The following NCOA6 variants were observed in gnomAD, a reference collection of about 807,000 sequenced individuals.
NCOA6 encodes the protein nuclear receptor coactivator 6.
In NCOA6, 49 loss-of-function variants were observed where a neutral mutation model predicts 171.4. That is an observed-to-expected ratio of 0.29 (90% confidence interval 0.23 to 0.36). The LOEUF is 0.36. Among genes scored for constraint, NCOA6 ranks in the 10% least tolerant of loss-of-function variants. The pLI, the probability that NCOA6 is intolerant of heterozygous loss-of-function variation, is 1.00. For missense variants in NCOA6, 2,248 were observed against 2,554.5 expected, an observed-to-expected ratio of 0.88 and a Z score of 2.59; for synonymous variants, 910 against 927.5, an observed-to-expected ratio of 0.98 and a Z score of 0.34.
At chr20:34,732,681 AT>A in intron 12 of NCOA6, 86 bp from the exon 13 acceptor site, 1 of 1,175,162 alleles carries the variant, frequency 8.5e-7, no homozygotes, top group Non-Finnish European at 1.2e-6. Flanking sequence ...TCTATGCCCT[AT>A]TTAGGCTAAA....
At chr20:34,819,148 C>G (rs1359097807) in intron 1 of NCOA6, among the ~76,000 whole-genome samples, 1 of 152,142 alleles carries the variant, frequency 6.6e-6, no homozygotes, top group Non-Finnish European at 1.5e-5. Flanking sequence ...ATCCCCCCCA[C>G]CATCCCAATA....
At chr20:34,789,299 TAATTTACCTTTAG>T (rs2077788834) in intron 2 of NCOA6, among the ~76,000 whole-genome samples, 1 of 152,234 alleles carries the variant, frequency 6.6e-6, no homozygotes, top group South Asian at 2.1e-4. Flanking sequence ...ATCTAACAAA[TAATTTACCTTTAG>T]AAAAATATAA....
At chr20:34,762,449 T>C (rs549252378) in intron 5 of NCOA6, among the ~76,000 whole-genome samples, 9 of 152,310 alleles carry the variant, frequency 5.9e-5, no homozygotes, top group African/African-American at 2.2e-4. Flanking sequence ...TTTGATTTTT[T>C]TGTCATTTTA....
At chr20:34,763,331 T>C (rs567541514) in intron 5 of NCOA6, among the ~76,000 whole-genome samples, 3 of 152,340 alleles carry the variant, frequency 2.0e-5, no homozygotes, top group South Asian at 2.1e-4. Flanking sequence ...GAGTGATTTA[T>C]TCAAATTCAC....
chr20:34,750,919 C>T (rs1202526722), intron 8 of NCOA6, among the ~76,000 whole-genome samples: 3 of 152,126 alleles, frequency 2.0e-5, no homozygotes, highest in African/African-American at 7.2e-5. Context: ...GAGGCTGAGG[C>T]AGGCGGATTG....
At chr20:34,769,949 T>A (rs1811782475) in intron 4 of NCOA6, among the ~76,000 whole-genome samples, 1 of 152,266 alleles carries the variant, frequency 6.6e-6, no homozygotes, top group East Asian at 1.9e-4. Flanking sequence ...CCTTCTAAAC[T>A]GTAGGGTTCT....
At chr20:34,750,628 C>A in intron 8 of NCOA6, 109 bp from the exon 9 acceptor site, 1 of 1,182,780 alleles carries the variant, frequency 8.5e-7, no homozygotes, top group Non-Finnish European at 1.1e-6. Flanking sequence ...CTTATATCCA[C>A]TGACCAACAT....
chr20:34,745,404 C>A (rs910871), intron 10 of NCOA6, among the ~76,000 whole-genome samples: 128,272 of 152,164 alleles, frequency 0.84, 54,260 homozygotes, highest in Admixed American at 0.91. Flanking sequence ...CTGAGGCAAG[C>A]AGGCATGTTC....
At chr20:34,787,940 C>CATG (rs1334747253) in intron 2 of NCOA6, among the ~76,000 whole-genome samples, 1 of 150,078 alleles carries the variant, frequency 6.7e-6, no homozygotes, top group Non-Finnish European at 1.5e-5. Flanking sequence ...GATCTCAGCT[C>CATG]ACAGCAACCG....
At chr20:34,795,071 T>A (rs1005289406) in intron 1 of NCOA6, among the ~76,000 whole-genome samples, 1 of 152,210 alleles carries the variant, frequency 6.6e-6, no homozygotes, top group African/African-American at 2.4e-5. Flanking sequence ...CAAAGCTCTC[T>A]TACAGAAGAC....
rs781369115 is a variant in NCOA6 at position 34,782,238 on chromosome 20, C to T, written c.118G>A (p.Asp40Asn). The part of the protein sequence containing the change: ...SGLEDDDTKS[D>N]SILEDSTIFV... ...ATTGTGGAATCCTCCAAAATACTATCACTTTTTGTGTCATCATCTTCTAGT... is the reference window on the plus strand; with the variant it reads ...ATTGTGGAATCCTCCAAAATACTATTACTTTTTGTGTCATCATCTTCTAGT... The change falls in exon 3 of 15, where the codon GAT (aspartate) becomes AAT (asparagine). Residue 40 changes from aspartate to asparagine, a missense_variant. By Grantham distance (23) the Asp-to-Asn change is conservative. Transcript: ENST00000359003. 1 of 1,612,594 alleles carries T rather than the reference C, an allele frequency of 6.2e-7. No homozygotes were observed.
chr20:34,769,306 C>T (rs114614560), intron 4 of NCOA6, among the ~76,000 whole-genome samples: 4,378 of 152,146 alleles, frequency 0.029, 225 homozygotes, highest in African/African-American at 0.1. Flanking sequence ...GGTCCTGCTG[C>T]CTCAGCCTCC....
chr20:34,723,674 G>A (rs368159399), intron 14 of NCOA6, among the ~76,000 whole-genome samples: 1 of 152,312 alleles, frequency 6.6e-6, no homozygotes, highest in East Asian at 1.9e-4. Context: ...ACAATGTTCA[G>A]TTTAAGTGTA....
chr20:34,796,208 C>T (rs2078066959), intron 1 of NCOA6, among the ~76,000 whole-genome samples: 1 of 151,630 alleles, frequency 6.6e-6, no homozygotes, highest in African/African-American at 2.4e-5. Context: ...TAGGGTCTCC[C>T]TATGTTGCCC....
At chr20:34,737,116 A>G (rs549516447) in intron 11 of NCOA6, among the ~76,000 whole-genome samples, 1 of 152,280 alleles carries the variant, frequency 6.6e-6, no homozygotes, top group African/African-American at 2.4e-5. Context: ...AACCCAAACC[A>G]TAGAGGTACA....
At position 34,734,939 on chromosome 20, in the gene NCOA6, C is replaced by T. The variant is rs540135489; in HGVS notation, c.5962+1751G>A. On this transcript the variant is annotated intron_variant, in intron 12 of 14. Transcript: ENST00000359003. Reference sequence around the variant, plus strand: ...CTGGGATTACAGGTGTGAGCCACCGCGCCTGGCCTAGTTTGCTCTTTTAAA... The same window carrying T: ...CTGGGATTACAGGTGTGAGCCACCGTGCCTGGCCTAGTTTGCTCTTTTAAA... 5.3e-5 allele frequency among the ~76,000 whole-genome samples: 8 copies of T among 152,282 alleles called. No individual in the cohort carries two copies. The South Asian group carries it at 1.2e-3, about 24-fold the overall frequency.
intron 1 of NCOA6, among the ~76,000 whole-genome samples, chr20:34,815,259 C>G (rs181031149): frequency 6.6e-6 from 1 of 151,524 alleles, no homozygotes; most frequent in Non-Finnish European, 1.5e-5. Flanking sequence ...TGTAGTCCCA[C>G]GTGTTCACTC....
intron 5 of NCOA6, among the ~76,000 whole-genome samples, chr20:34,763,746 A>T (rs756516685): frequency 1.2e-4 from 19 of 152,170 alleles, no homozygotes; most frequent in Non-Finnish European, 2.4e-4. Flanking sequence ...ACAATTCCAC[A>T]ACACCCATTC....
At chr20:34,809,335 A>C (rs971935602) in intron 1 of NCOA6, 13 of 395,520 alleles carry the variant, frequency 3.3e-5, no homozygotes, top group Non-Finnish European at 4.5e-5. Context: ...TACCCTATGG[A>C]CATTAGGATC....
Sources: allele counts gnomAD v4.1 joint callset (sites outside exome capture counted in the v4.1 genomes callset), GRCh38; gene constraint gnomAD v4.1.1; transcripts MANE v1.5; gene names NCBI Gene and HGNC (gene_info 2026-07-23, HGNC 2026-07-21).